Variants in ATP6V0D2 observed in about 807,000 individuals in gnomAD.
ATP6V0D2 encodes V-type proton ATPase subunit d 2.
ATP6V0D2 carries 40 observed loss-of-function variants against 40.0 expected under a neutral mutation model. The ratio of observed to expected loss-of-function variants is 1.00; its 90% CI spans 0.78 to 1.30. The LOEUF (loss-of-function observed/expected upper bound fraction) is 1.30, where lower values mean the gene tolerates loss of function less well. Ranked by LOEUF, ATP6V0D2 falls within the 50% of genes most tolerant of loss-of-function variation. The probability of loss-of-function intolerance (pLI) is 0.00; values close to 1 mark genes in which losing one functional copy is unlikely to be tolerated. For missense variants in ATP6V0D2, 470 were observed against 423.1 expected (o/e 1.11, Z -0.97); for synonymous variants, 179 against 156.3 (o/e 1.15, Z -1.08).
At chr8:86,109,447 T>C (rs1346858062) in intron 1 of ATP6V0D2, among the ~76,000 whole-genome samples, 1 of 152,194 alleles carries the variant, frequency 6.6e-6, no homozygotes, top group Non-Finnish European at 1.5e-5. Context: ...ATCATTTTAG[T>C]GCTGGGGAAG....
At chr8:86,103,171 C>T (rs1818426064) in intron 1 of ATP6V0D2, among the ~76,000 whole-genome samples, 1 of 151,610 alleles carries the variant, frequency 6.6e-6, no homozygotes, top group African/African-American at 2.4e-5. Context: ...AGGCTGGTCT[C>T]CAATGGCACG....
At chr8:86,150,423 G>T in intron 6 of ATP6V0D2, 135 bp downstream of exon 6, 1 of 923,316 alleles carries the variant, frequency 1.1e-6, no homozygotes, top group Non-Finnish European at 1.6e-6. Flanking sequence ...AGTGTTTCTT[G>T]CTGAAGCAAT....
chr8:86,101,295 C>T (rs1188933412), intron 1 of ATP6V0D2, among the ~76,000 whole-genome samples: 1 of 151,652 alleles, frequency 6.6e-6, no homozygotes. Context: ...CTCGTCTCTA[C>T]TAAAAATTTT....
chr8:86,118,857 T>C (rs954882903), intron 2 of ATP6V0D2, among the ~76,000 whole-genome samples: 1 of 152,190 alleles, frequency 6.6e-6, no homozygotes, highest in Non-Finnish European at 1.5e-5. Context: ...CTTACTCAAT[T>C]CTTACCATCA....
At chr8:86,121,150 A>G (rs1818663630) in intron 2 of ATP6V0D2, among the ~76,000 whole-genome samples, 1 of 152,208 alleles carries the variant, frequency 6.6e-6, no homozygotes, top group East Asian at 1.9e-4. Flanking sequence ...ACTAGATAGC[A>G]CCAAAGCCTA....
Position 86,151,755 on chromosome 8 carries a change from C to CTTTTT in ATP6V0D2, c.891+229_891+233dup, listed in dbSNP as rs564476016. Among the ~76,000 whole-genome samples, 7 of 85,530 alleles carry CTTTTT rather than the reference C, an allele frequency of 8.2e-5. No individual in the cohort carries two copies. The East Asian group carries it at 1.2e-3, about 15-fold the overall frequency. The allele number at this position is 85,530 out of a possible 152,430, so 56.1% of individuals were successfully genotyped here. A position where few individuals can be genotyped will look rare whatever the true frequency, so the allele number is the denominator to read the frequency against. ...CTGCTAAAGTTTGTAGCTTTTCTTT[C>CTTTTT]TTTTTTTTTTTTTTTTTTATACCCT... On this transcript the variant is annotated intron_variant, in intron 7 of 7. Transcript: ENST00000285393.
chr8:86,113,824 T>C lies in ATP6V0D2; in HGVS notation c.246T>C (p.Phe82=), dbSNP rs1047865790. Residue 82 remains phenylalanine (F), a synonymous_variant, in exon 2 of 8, where the codon TTT becomes TTC. Transcript: ENST00000285393. ...TGAGGAAAAGACTATGTGGAGAATT[T>C]GAGTATTTCCGGAATCATTCCCTGG... ...TEMRKRLCGE[F]EYFRNHSLEP... is the part of the protein sequence containing the mutation. The C allele has an allele frequency of 1.2e-6, 2 of 1,613,986 alleles. No individual in the cohort carries two copies.
chr8:86,139,483 T>C lies in ATP6V0D2; in HGVS notation c.329T>C (p.Ile110Thr), dbSNP rs191844145. ...MTCSYMIDNVILLMNGALQKK... is the reference protein window; with the variant it reads ...MTCSYMIDNVTLLMNGALQKK... The stretch of plus-strand genomic sequence containing the variant: ...TGCAGTTATATGATAGACAATGTGA[T>C]TCTGCTGATGAATGGTGCATTGCAG... The change falls in exon 3 of 8, where the codon ATT (isoleucine) becomes ACT (threonine). Residue 110 changes from isoleucine (I) to threonine (T), a missense_variant. Physicochemically the swap from Ile to Thr is moderately conservative, Grantham distance 89. Transcript: ENST00000285393. The C allele has an allele frequency of 2.5e-5, 41 of 1,612,442 alleles. 1 individual carries two copies. The East Asian group carries it at 7.8e-4, about 31-fold the overall frequency.
In ATP6V0D2 at chr8:86,112,977, G is replaced by A. The variant is rs566185631; in HGVS notation, c.131-732G>A. Among the ~76,000 whole-genome samples the A allele has an allele frequency of 6.6e-5, 10 of 152,186 alleles. No individual in the cohort carries two copies. In the East Asian group the frequency reaches 1.4e-3, roughly 21 times the overall value. ...TGAAACAGAGCACCGATGGCTGCCCGTGCCACCTGCCCCCACACCCATGGT... is the reference window on the plus strand; with the variant it reads ...TGAAACAGAGCACCGATGGCTGCCCATGCCACCTGCCCCCACACCCATGGT... On this transcript the variant is annotated intron_variant, in intron 1 of 7. Coordinates refer to ENST00000285393, the MANE Select transcript of ATP6V0D2 (RefSeq NM_152565.1).
At chr8:86,145,627 T>C (rs1374775337) in intron 5 of ATP6V0D2, among the ~76,000 whole-genome samples, 5 of 152,162 alleles carry the variant, frequency 3.3e-5, no homozygotes, top group Non-Finnish European at 1.5e-5. Flanking sequence ...ATGCTAATCA[T>C]GCAACATCAT....
intron 1 of ATP6V0D2, among the ~76,000 whole-genome samples, chr8:86,103,993 T>C (rs1480826833): frequency 3.3e-5 from 5 of 151,902 alleles, no homozygotes; most frequent in African/African-American, 1.2e-4. Flanking sequence ...GCCTGGCTAA[T>C]TTTTTGTATT....
chr8:86,107,033 C>CT (rs1415683949), intron 1 of ATP6V0D2, among the ~76,000 whole-genome samples: 1 of 45,956 alleles, frequency 2.2e-5, no homozygotes, highest in Admixed American at 1.6e-4. Context: ...AAGAATCTGT[C>CT]TAAAAAAAAA....
intron 2 of ATP6V0D2, among the ~76,000 whole-genome samples, chr8:86,137,193 C>T (rs1007330067): frequency 1.3e-5 from 2 of 152,156 alleles, no homozygotes; most frequent in African/African-American, 2.4e-5. Flanking sequence ...CACAGACACA[C>T]TCCACTGAAG....
rs1339595249 is a variant in ATP6V0D2, at chr8:86,154,156, T to G, written c.*1179T>G. 2 of 152,210 alleles carry G rather than the reference T, an allele frequency of 1.3e-5. No homozygotes were observed. Among genetic ancestry groups the G allele is most frequent in the Admixed American group, 1.3e-4 (2 of 15,268 alleles). 9.4% of individuals were successfully genotyped at this position (152,210 alleles called of 1,614,324 possible). On this transcript the variant is annotated 3_prime_UTR_variant, in exon 8 of 8. Coordinates refer to ENST00000285393, the MANE Select transcript of ATP6V0D2 (RefSeq NM_152565.1). ...ACAATTTCAAATCCTATCTTCTAGA[T>G]GCAAGCAGTGTTAAATTTGTTAATA...
chr8:86,112,634 A>G (rs1331693929), intron 1 of ATP6V0D2, among the ~76,000 whole-genome samples: 2 of 152,086 alleles, frequency 1.3e-5, no homozygotes, highest in African/African-American at 4.8e-5. Flanking sequence ...TGAAGTGTAG[A>G]TTATAATAAG....
At chr8:86,145,720 G>A (rs185029870) in intron 5 of ATP6V0D2, among the ~76,000 whole-genome samples, 48 of 152,110 alleles carry the variant, frequency 3.2e-4, no homozygotes, top group Non-Finnish European at 5.6e-4. Flanking sequence ...TATTATCTAT[G>A]GCTCAAAAGT....
intron 2 of ATP6V0D2, among the ~76,000 whole-genome samples, chr8:86,134,317 G>A (rs1427169792): frequency 1.3e-5 from 2 of 152,106 alleles, no homozygotes; most frequent in East Asian, 1.9e-4. Context: ...ATGGCTAAAC[G>A]AAGCTTTTGA....
chr8:86,141,375 T>C, intron 3 of ATP6V0D2, 75 bp from the exon 4 acceptor site: 1 of 1,030,846 alleles, frequency 9.7e-7, no homozygotes, highest in Non-Finnish European at 1.5e-6. Flanking sequence ...GAGGGTGGTG[T>C]GTTCAGGATA....
chr8:86,138,117 C>T (rs1442192655), intron 2 of ATP6V0D2, among the ~76,000 whole-genome samples: 4 of 152,288 alleles, frequency 2.6e-5, no homozygotes, highest in East Asian at 3.9e-4. Flanking sequence ...CTCCAGTGCT[C>T]GGCCCAGGCA....
Sources: gnomAD v4.1 joint callset for allele counts (sites outside exome capture counted in the v4.1 genomes callset) on GRCh38, gnomAD v4.1.1 for gene constraint, MANE v1.5 for transcripts, NCBI Gene and HGNC (gene_info 2026-07-23, HGNC 2026-07-21) for gene names.